Variants in DNAAF4 observed in about 807,000 individuals in gnomAD.
DNAAF4 encodes the protein dynein assembly factor 4, axonemal.
A neutral mutation model predicts 51.8 loss-of-function variants in DNAAF4; 43 were observed. The observed-to-expected ratio is 0.83, with a 90% confidence interval of 0.65 to 1.07. DNAAF4 has a LOEUF of 1.07. Ranked by LOEUF, DNAAF4 falls within the 50% of genes least tolerant of loss-of-function variation. The pLI is 0.00. For missense variants in DNAAF4, 581 were observed against 493.0 expected, an observed-to-expected ratio of 1.18 and a Z score of -1.69; for synonymous variants, 194 against 165.6, an observed-to-expected ratio of 1.17 and a Z score of -1.32.
chr15:55,450,004 T>A (rs2057908858), intron 6 of DNAAF4, among the ~76,000 whole-genome samples: 1 of 152,000 alleles, frequency 6.6e-6, no homozygotes, highest in African/African-American at 2.4e-5. Context: ...CGGCCTACTG[T>A]ACATATATTA....
intron 4 of DNAAF4, among the ~76,000 whole-genome samples, chr15:55,476,728 AC>A (rs2058339717): frequency 6.6e-6 from 1 of 152,242 alleles, no homozygotes; most frequent in South Asian, 2.1e-4. Flanking sequence ...GTATAATTCC[AC>A]TTACATGAAG....
chr15:55,494,243 G>T (rs2058610921), intron 3 of DNAAF4, among the ~76,000 whole-genome samples: 1 of 151,882 alleles, frequency 6.6e-6, no homozygotes, highest in Non-Finnish European at 1.5e-5. Context: ...TGGTTAGGCT[G>T]GTCTCGGACT....
chr15:55,491,291 T>C (rs1595952469), intron 3 of DNAAF4, 35 bp from the exon 4 acceptor site: 8 of 1,582,174 alleles, frequency 5.1e-6, no homozygotes, highest in Non-Finnish European at 6.9e-6. Flanking sequence ...ATTAGAATTA[T>C]GACAAATTTG....
At chr15:55,438,650 C>T (rs1399542633) in intron 7 of DNAAF4, among the ~76,000 whole-genome samples, 1 of 151,270 alleles carries the variant, frequency 6.6e-6, no homozygotes, top group Admixed American at 6.6e-5. Context: ...CCAGGTGTGG[C>T]GGTGGATGCC....
chr15:55,451,566 G>A (rs895839941), intron 5 of DNAAF4, among the ~76,000 whole-genome samples: 2 of 151,248 alleles, frequency 1.3e-5, no homozygotes, highest in Non-Finnish European at 2.9e-5. Flanking sequence ...AAATGAAAAA[G>A]AATGGGTTTT....
At chr15:55,506,366 C>G (rs1265502634) in intron 1 of DNAAF4, among the ~76,000 whole-genome samples, 1 of 152,162 alleles carries the variant, frequency 6.6e-6, no homozygotes, top group Non-Finnish European at 1.5e-5. Context: ...GATGCTGATG[C>G]TTTGTGAACC....
At chr15:55,504,281 C>T (rs1233559968) in intron 1 of DNAAF4, among the ~76,000 whole-genome samples, 1 of 152,128 alleles carries the variant, frequency 6.6e-6, no homozygotes, top group African/African-American at 2.4e-5. Flanking sequence ...AGGACACAAA[C>T]AAATGGAAGA....
At chr15:55,430,019 A>G (rs2057471471), downstream of DNAAF4, among the ~76,000 whole-genome samples, 1 of 152,042 alleles carries the variant, frequency 6.6e-6, no homozygotes, top group Non-Finnish European at 1.5e-5. Context: ...GTCTACTTGG[A>G]GGTACTAGAA....
chr15:55,468,843 G>A (rs2058206858), intron 4 of DNAAF4, among the ~76,000 whole-genome samples: 1 of 152,154 alleles, frequency 6.6e-6, no homozygotes, highest in Admixed American at 6.6e-5. Context: ...TAGGTATAAT[G>A]ATAATTTATA....
At chr15:55,467,227 T>C in intron 4 of DNAAF4, 66 bp from the exon 5 acceptor site, 1 of 1,326,284 alleles carries the variant, frequency 7.5e-7, no homozygotes, top group Non-Finnish European at 1.0e-6. Flanking sequence ...AAATGAGAAA[T>C]TCATTACAAT....
chr15:55,498,764 G>A (rs1349141284), intron 1 of DNAAF4, among the ~76,000 whole-genome samples, 180 bp from the exon 2 acceptor site: 5 of 151,596 alleles, frequency 3.3e-5, no homozygotes, highest in African/African-American at 1.2e-4. Context: ...AATTAGCCGG[G>A]CGTGGTGGTG....
chr15:55,450,154 T>G, intron 6 of DNAAF4, 68 bp downstream of exon 6: 1 of 1,477,102 alleles, frequency 6.8e-7, no homozygotes, highest in South Asian at 1.5e-5. Flanking sequence ...CAGTACTAAT[T>G]TCAATAGATG....
intron 6 of DNAAF4, 138 bp from the exon 7 acceptor site, chr15:55,439,719 C>T (rs373877626): frequency 1.4e-4 from 98 of 701,562 alleles, no homozygotes; most frequent in Non-Finnish European, 2.0e-4. Context: ...CTCCACCTCT[C>T]CTCCAAATTG....
At chr15:55,492,785 G>C (rs950977937) in intron 3 of DNAAF4, among the ~76,000 whole-genome samples, 3 of 152,060 alleles carry the variant, frequency 2.0e-5, no homozygotes, top group Non-Finnish European at 4.4e-5. Flanking sequence ...TGATCCGCCT[G>C]CCTTGGCCTC....
chr15:55,479,643 G>A (rs2058381220), intron 4 of DNAAF4, among the ~76,000 whole-genome samples: 1 of 152,154 alleles, frequency 6.6e-6, no homozygotes, highest in South Asian at 2.1e-4. Flanking sequence ...AAATGGACAT[G>A]CAAGTAGGAG....
At chr15:55,478,794 C>T (rs572269717) in intron 4 of DNAAF4, among the ~76,000 whole-genome samples, 3 of 152,194 alleles carry the variant, frequency 2.0e-5, no homozygotes, top group Non-Finnish European at 4.4e-5. Flanking sequence ...GGAGTTGCAT[C>T]CCCTCAAAAA....
intron 4 of DNAAF4, among the ~76,000 whole-genome samples, chr15:55,474,225 C>T (rs2058305452): frequency 6.6e-6 from 1 of 152,042 alleles, no homozygotes; most frequent in African/African-American, 2.4e-5. Flanking sequence ...AAAGTAAGTT[C>T]AGCAAGGCAG....
At position 55,498,166 on chromosome 15, in the gene DNAAF4, C is replaced by G. The variant is rs1321270257; in HGVS notation, c.123+41G>C. 4.3e-6 allele frequency: 7 copies of G among 1,613,950 alleles called. No homozygotes were observed. In the African/African-American group the frequency reaches 9.3e-5, roughly 22 times the overall value. The stretch of plus-strand genomic sequence containing the variant: ...GCTGCGCTCTTGCAGAAGCTTCGGA[C>G]CACACCCCCGGAGACCGGCAGGCAA... On this transcript the variant is annotated intron_variant, in intron 2 of 9. Transcript: ENST00000321149.
At chr15:55,434,830 A>G in intron 8 of DNAAF4, 75 bp downstream of exon 8, 2 of 1,209,928 alleles carry the variant, frequency 1.7e-6, no homozygotes, top group South Asian at 2.3e-5. Context: ...AACTGAACAG[A>G]AAAAGATCAT....
Sources: allele counts gnomAD v4.1 joint callset (sites outside exome capture counted in the v4.1 genomes callset), GRCh38; gene constraint gnomAD v4.1.1; transcripts MANE v1.5; gene names NCBI Gene and HGNC (gene_info 2026-07-23, HGNC 2026-07-21).